The following SUCO variants were observed in gnomAD, a reference collection of about 807,000 sequenced individuals.
The protein encoded by SUCO is SUN domain-containing ossification factor.
A neutral mutation model predicts 148.1 loss-of-function variants in SUCO; 57 were observed. The ratio of observed to expected loss-of-function variants is 0.38; its 90% CI spans 0.31 to 0.48. SUCO has a LOEUF of 0.48. Ranked by LOEUF, SUCO falls within the 20% of genes least tolerant of loss-of-function variation. The pLI, the probability that SUCO is intolerant of heterozygous loss-of-function variation, is 0.96. For synonymous variants in SUCO, 470 were observed against 502.7 expected, an observed-to-expected ratio of 0.93 and a Z score of 0.87; for missense variants, 1,331 against 1,468.2, an observed-to-expected ratio of 0.91 and a Z score of 1.53.
intron 9 of SUCO, among the ~76,000 whole-genome samples, chr1:172,572,170 T>G (rs1454691473): frequency 7.1e-6 from 1 of 141,640 alleles, no homozygotes. Flanking sequence ...GGAGCCCCTC[T>G]ACCCAGCCAC....
At chr1:172,582,421 T>G (rs993180075) in intron 15 of SUCO, among the ~76,000 whole-genome samples, 4 of 152,170 alleles carry the variant, frequency 2.6e-5, no homozygotes, top group African/African-American at 9.6e-5. Flanking sequence ...ATTGGAGCAC[T>G]GAAGACTGAG....
At chr1:172,600,230 G>A in intron 20 of SUCO, 62 bp downstream of exon 20, 1 of 1,200,224 alleles carries the variant, frequency 8.3e-7, no homozygotes, top group Non-Finnish European at 1.2e-6. Flanking sequence ...ATAAAGCCAG[G>A]CTTGTTAACA....
chr1:172,577,958 G>C, intron 13 of SUCO, 139 bp downstream of exon 13: 1 of 613,330 alleles, frequency 1.6e-6, no homozygotes, highest in South Asian at 3.0e-5. Context: ...CCTTTCTTTT[G>C]AATGCATTTT....
chr1:172,607,678 A>C (rs187776499), intron 22 of SUCO, among the ~76,000 whole-genome samples: 56 of 151,956 alleles, frequency 3.7e-4, no homozygotes, highest in African/African-American at 1.1e-3. Flanking sequence ...TTTAAAAAAA[A>C]CAAACTATCA....
At chr1:172,605,143 T>A (rs548598875) in intron 22 of SUCO, among the ~76,000 whole-genome samples, 1 of 151,884 alleles carries the variant, frequency 6.6e-6, no homozygotes, top group Admixed American at 6.6e-5. Context: ...TTTTCACTGT[T>A]TTGATTGTGT....
upstream of SUCO, chr1:172,532,668 A>G (rs779963220): frequency 6.2e-7 from 1 of 1,614,090 alleles, no homozygotes; most frequent in South Asian, 1.1e-5. Context: ...CGTGGTGAGC[A>G]GCGAAACTAT....
In SUCO at chr1:172,533,509, C is replaced by G; in HGVS notation, c.62+12C>G. On this transcript the variant is annotated intron_variant, in intron 1 of 23. Transcript: ENST00000263688. ...TGCTCTCTGGTCTGGTGAGTAGCCG[C>G]GACGACAAGGGAGTTCCCGTGAGGG... 6.5e-7 allele frequency: 1 copy of G among 1,538,490 alleles called. No homozygotes were observed. The highest frequency in any genetic ancestry group is 8.8e-7 in the Non-Finnish European group (1 of 1,137,446).
At chr1:172,563,681 G>A (rs1654343720) in intron 6 of SUCO, among the ~76,000 whole-genome samples, 1 of 152,214 alleles carries the variant, frequency 6.6e-6, no homozygotes, top group Non-Finnish European at 1.5e-5. Flanking sequence ...AAAATTTGCA[G>A]CCTGACTTGT....
chr1:172,603,174 T>A (rs1657643908), intron 22 of SUCO: 1 of 164,570 alleles, frequency 6.1e-6, no homozygotes, highest in African/African-American at 2.4e-5. Flanking sequence ...TGTCTCTAGT[T>A]TAGGACTATG....
At chr1:172,556,180 C>T (rs1321278170) in intron 4 of SUCO, among the ~76,000 whole-genome samples, 157 bp downstream of exon 4, 1 of 152,098 alleles carries the variant, frequency 6.6e-6, no homozygotes, top group Non-Finnish European at 1.5e-5. Flanking sequence ...CGTATGTGTG[C>T]ATGCGTTTGT....
At chr1:172,552,370 T>C (rs1056189882) in intron 2 of SUCO, among the ~76,000 whole-genome samples, 4 of 152,158 alleles carry the variant, frequency 2.6e-5, no homozygotes, top group African/African-American at 9.6e-5. Flanking sequence ...TCCCCTCCAG[T>C]GATAGCTCAT....
rs1032598533 is a variant in SUCO, at chr1:172,599,651, A to G, written c.2914-413A>G. Among the ~76,000 whole-genome samples, 32 of 152,354 alleles carry G rather than the reference A, an allele frequency of 2.1e-4. 1 individual carries two copies. In the South Asian group the frequency reaches 3.5e-3, roughly 17 times the overall value. On this transcript the variant is annotated intron_variant, in intron 19 of 23. Transcript: ENST00000263688. Reference sequence around the variant, plus strand: ...AACTTGGTTTTGGGCCTACTTTATAACCAAAAAAATTCTTCAGAAAATTTT... The same window carrying G: ...AACTTGGTTTTGGGCCTACTTTATAGCCAAAAAAATTCTTCAGAAAATTTT...
chr1:172,610,297 G>A lies in SUCO; in HGVS notation c.*38G>A. On this transcript the variant is annotated 3_prime_UTR_variant, in exon 24 of 24. Transcript: ENST00000263688. The stretch of plus-strand genomic sequence containing the variant: ...TTTTCATACAGAAGACTTTTTTGTT[G>A]TTGTTCTTTGAAGAACAGTCTGTAG... 6.5e-7 allele frequency: 1 copy of A among 1,533,688 alleles called. No individual in the cohort carries two copies. The highest frequency in any genetic ancestry group is 1.3e-5 in the South Asian group (1 of 75,946).
intron 1 of SUCO, among the ~76,000 whole-genome samples, chr1:172,535,872 TGTAGCC>T (rs1651976599): frequency 6.6e-6 from 1 of 152,228 alleles, no homozygotes; most frequent in Admixed American, 6.5e-5. Flanking sequence ...GCTTTTGTCT[TGTAGCC>T]TTGAGTACTA....
chr1:172,561,980 A>T (rs77097531), intron 6 of SUCO, among the ~76,000 whole-genome samples: 10,074 of 152,314 alleles, frequency 0.066, 492 homozygotes, highest in Middle Eastern at 0.12. Context: ...GGCCAAAGGG[A>T]ATGGATTTGG....
In SUCO at chr1:172,609,964, C is replaced by T; in HGVS notation, c.3470C>T (p.Ser1157Phe). The change falls in exon 24 of 24, where the codon TCT becomes TTT. Residue 1157 changes from serine to phenylalanine, a missense_variant. Transcript: ENST00000263688. ...FSNMGEVYHS[S>F]YKGPPSEGSS... ...AATATGGGAGAAGTTTATCACTCTT[C>T]TTATAAAGGTCCTCCATCTGAAGGA... The T allele has an allele frequency of 5.6e-6, 9 of 1,613,894 alleles. No individual in the cohort carries two copies. The highest frequency in any genetic ancestry group is 7.6e-6 in the Non-Finnish European group (9 of 1,179,874).
chr1:172,536,472 C>T (rs907105676), intron 1 of SUCO, among the ~76,000 whole-genome samples: 1 of 152,102 alleles, frequency 6.6e-6, no homozygotes, highest in African/African-American at 2.4e-5. Flanking sequence ...GTAAATATTT[C>T]ATCATAACAT....
chr1:172,533,033 G>T, upstream of SUCO: 1 of 1,433,612 alleles, frequency 7.0e-7, no homozygotes, highest in African/African-American at 1.4e-5. Context: ...TCCCTTTCCA[G>T]CTCAGCGGTG....
chr1:172,536,872 T>A (rs542886717), intron 1 of SUCO, among the ~76,000 whole-genome samples: 1 of 152,306 alleles, frequency 6.6e-6, no homozygotes, highest in East Asian at 1.9e-4. Flanking sequence ...TACTAATGAC[T>A]GGTCCTCCTG....
Sources: gnomAD v4.1 joint callset for allele counts (sites outside exome capture counted in the v4.1 genomes callset) on GRCh38, gnomAD v4.1.1 for gene constraint, MANE v1.5 for transcripts, NCBI Gene and HGNC (gene_info 2026-07-23, HGNC 2026-07-21) for gene names.